Variants in EXOC6B observed in about 807,000 individuals in gnomAD.
EXOC6B encodes exocyst complex component 6B, also known as SEC15 homolog B.
In EXOC6B, 54 loss-of-function variants were observed where a neutral mutation model predicts 113.5. The ratio of observed to expected loss-of-function variants is 0.48; its 90% CI spans 0.38 to 0.60. The LOEUF is 0.60. EXOC6B is among the 20% of genes least tolerant of loss of function. EXOC6B has a pLI of 0.00. For synonymous variants in EXOC6B, 357 were observed against 339.0 expected (o/e 1.05, Z -0.58); for missense variants, 797 against 977.5 (o/e 0.82, Z 2.46).
At chr2:72,509,403 T>C (rs903478654) in intron 11 of EXOC6B, among the ~76,000 whole-genome samples, 3 of 152,222 alleles carry the variant, frequency 2.0e-5, no homozygotes, top group Non-Finnish European at 4.4e-5. Context: ...ATGAGTCATT[T>C]TCAAAATAAT....
intron 6 of EXOC6B, among the ~76,000 whole-genome samples, chr2:72,602,750 A>G (rs1473401921): frequency 6.6e-6 from 1 of 152,238 alleles, no homozygotes; most frequent in Non-Finnish European, 1.5e-5. Context: ...AGACACATAA[A>G]GAAAGATGAG....
chr2:72,583,435 A>G (rs899522090), intron 6 of EXOC6B, among the ~76,000 whole-genome samples: 1 of 152,238 alleles, frequency 6.6e-6, no homozygotes, highest in Non-Finnish European at 1.5e-5. Context: ...TCTGAAAGAA[A>G]AATCTTGATA....
intron 18 of EXOC6B, among the ~76,000 whole-genome samples, chr2:72,451,306 CT>C (rs1390200905): frequency 6.6e-6 from 1 of 152,132 alleles, no homozygotes; most frequent in Non-Finnish European, 1.5e-5. Context: ...TGAAAGACTG[CT>C]TCCCATTTTC....
At chr2:72,568,354 T>G (rs1704314057) in intron 7 of EXOC6B, among the ~76,000 whole-genome samples, 1 of 152,062 alleles carries the variant, frequency 6.6e-6, no homozygotes, top group South Asian at 2.1e-4. Flanking sequence ...AGGTTGTATA[T>G]TAAGTGGCAG....
chr2:72,280,157 A>ATC (rs1270689505), intron 20 of EXOC6B, among the ~76,000 whole-genome samples: 1 of 151,992 alleles, frequency 6.6e-6, no homozygotes, highest in African/African-American at 2.4e-5. Context: ...TTATCATTCT[A>ATC]GTTCTTCCAT....
chr2:72,794,765 A>T (rs531930914), intron 1 of EXOC6B, among the ~76,000 whole-genome samples: 1 of 152,336 alleles, frequency 6.6e-6, no homozygotes, highest in Non-Finnish European at 1.5e-5. Context: ...AAACAGAAAT[A>T]CATAAAATAG....
At chr2:72,823,460 A>AAAAAAG (rs1559031464) in intron 1 of EXOC6B, among the ~76,000 whole-genome samples, 4 of 97,906 alleles carry the variant, frequency 4.1e-5, no homozygotes, top group African/African-American at 2.2e-4. Context: ...AAGTTTTAAG[A>AAAAAAG]AAAAAAAAAA....
Position 72,711,827 on chromosome 2 carries a change from G to A in EXOC6B, c.669+6276C>T, listed in dbSNP as rs143442876. Among the ~76,000 whole-genome samples, 121 of 152,238 alleles carry A rather than the reference G, an allele frequency of 7.9e-4. 1 individual carries two copies. Among genetic ancestry groups the A allele is most frequent in the African/African-American group, 2.6e-3 (106 of 41,532 alleles). On this transcript the variant is annotated intron_variant, in intron 6 of 21. Coordinates refer to ENST00000272427, the MANE Select transcript of EXOC6B (RefSeq NM_015189.3). ...CAGGTAGTATATACAGCATGGATAC[G>A]CTGGACCAAGGGGTGATTCTGTCAG...
intron 6 of EXOC6B, among the ~76,000 whole-genome samples, chr2:72,675,835 C>A (rs946443936): frequency 6.6e-5 from 10 of 151,926 alleles, no homozygotes; most frequent in African/African-American, 2.4e-4. Context: ...GGGGGGCGGA[C>A]AATGTACAAA....
intron 7 of EXOC6B, among the ~76,000 whole-genome samples, chr2:72,572,325 C>A (rs1314592324): frequency 6.6e-6 from 1 of 152,176 alleles, no homozygotes; most frequent in African/African-American, 2.4e-5. Flanking sequence ...TGTATAATCA[C>A]AATCTGCATT....
At chr2:72,820,393 C>G (rs573364447) in intron 1 of EXOC6B, among the ~76,000 whole-genome samples, 6 of 152,198 alleles carry the variant, frequency 3.9e-5, no homozygotes, top group African/African-American at 1.2e-4. Context: ...AAAAAGGTAA[C>G]TGTATCATTA....
chr2:72,242,777 G>C (rs535686506), intron 20 of EXOC6B, among the ~76,000 whole-genome samples: 1 of 152,308 alleles, frequency 6.6e-6, no homozygotes, highest in East Asian at 1.9e-4. Context: ...CTGTCACCCA[G>C]GCTGGAGTAC....
intron 6 of EXOC6B, among the ~76,000 whole-genome samples, chr2:72,639,369 C>A (rs534467926): frequency 6.6e-6 from 1 of 152,204 alleles, no homozygotes; most frequent in Non-Finnish European, 1.5e-5. Flanking sequence ...TGCCAGCACC[C>A]TGCCCCTGAT....
intron 6 of EXOC6B, among the ~76,000 whole-genome samples, chr2:72,676,392 T>C (rs1000517969): frequency 1.3e-5 from 2 of 152,192 alleles, no homozygotes; most frequent in African/African-American, 4.8e-5. Flanking sequence ...GTAAACACTA[T>C]CAGTCATGTT....
At chr2:72,460,423 C>T (rs1697548474) in intron 18 of EXOC6B, among the ~76,000 whole-genome samples, 1 of 151,680 alleles carries the variant, frequency 6.6e-6, no homozygotes, top group African/African-American at 2.4e-5. Flanking sequence ...AACAGGCAAC[C>T]TACAAAATGG....
intron 7 of EXOC6B, among the ~76,000 whole-genome samples, chr2:72,573,621 T>G (rs1012610246): frequency 2.0e-5 from 3 of 152,228 alleles, no homozygotes; most frequent in African/African-American, 7.2e-5. Context: ...TTCTTAGCTC[T>G]ATTAAGAGCT....
At chr2:72,725,205 C>T (rs1347717561) in intron 5 of EXOC6B, among the ~76,000 whole-genome samples, 1 of 152,154 alleles carries the variant, frequency 6.6e-6, no homozygotes, top group Non-Finnish European at 1.5e-5. Flanking sequence ...ATACTACTTA[C>T]AGGGAGACAA....
At chr2:72,236,485 T>C (rs1681966274) in intron 20 of EXOC6B, among the ~76,000 whole-genome samples, 1 of 152,162 alleles carries the variant, frequency 6.6e-6, no homozygotes, top group South Asian at 2.1e-4. Flanking sequence ...AGGTACAATG[T>C]AATTTTCAAT....
chr2:72,614,805 TA>T, intron 6 of EXOC6B, among the ~76,000 whole-genome samples: 2 of 152,146 alleles, frequency 1.3e-5, no homozygotes, highest in South Asian at 4.2e-4. Flanking sequence ...ACTAAAACAC[TA>T]AAGACAATCC....
Sources: allele counts gnomAD v4.1 joint callset (sites outside exome capture counted in the v4.1 genomes callset), GRCh38; gene constraint gnomAD v4.1.1; transcripts MANE v1.5; gene names NCBI Gene and HGNC (gene_info 2026-07-23, HGNC 2026-07-21).